Variants in GCNT2 observed in about 807,000 individuals in gnomAD.
GCNT2 encodes the protein N-acetyllactosaminide beta-1,6-N-acetylglucosaminyl-transferase.
A neutral mutation model predicts 34.2 loss-of-function variants in GCNT2; 34 were observed. The observed-to-expected ratio is 1.00, with a 90% CI of 0.76 to 1.32. The LOEUF (loss-of-function observed/expected upper bound fraction) is 1.32. GCNT2 is among the 40% of genes most tolerant of loss of function. The pLI is 0.00. For synonymous variants in GCNT2, 212 were observed against 188.0 expected (o/e 1.13, Z -1.04); for missense variants, 584 against 489.4 (o/e 1.19, Z -1.82).
At chr6:10,593,631 C>T (rs1041824613) in intron 3 of GCNT2, among the ~76,000 whole-genome samples, 12 of 152,148 alleles carry the variant, frequency 7.9e-5, no homozygotes, top group African/African-American at 2.9e-4. Flanking sequence ...GCCATTGCAC[C>T]TAGACAGTTG....
intron 3 of GCNT2, among the ~76,000 whole-genome samples, chr6:10,579,218 T>C (rs957842147): frequency 6.6e-6 from 1 of 152,252 alleles, no homozygotes; most frequent in Admixed American, 6.5e-5. Flanking sequence ...TATTAACCTC[T>C]AGTCTTACAA....
intron 3 of GCNT2, among the ~76,000 whole-genome samples, chr6:10,596,157 T>C (rs1764842976): frequency 6.6e-6 from 1 of 152,238 alleles, no homozygotes; most frequent in African/African-American, 2.4e-5. Flanking sequence ...TCTTTGTTTT[T>C]CAGCAACAAA....
intron 3 of GCNT2, among the ~76,000 whole-genome samples, chr6:10,597,236 A>G (rs950523928): frequency 1.3e-5 from 2 of 149,614 alleles, no homozygotes. Flanking sequence ...GCTCACTGCA[A>G]CCTCTGCCTC....
chr6:10,553,945 A>G (rs1336608263), intron 3 of GCNT2, among the ~76,000 whole-genome samples: 1 of 152,242 alleles, frequency 6.6e-6, no homozygotes, highest in East Asian at 1.9e-4. Flanking sequence ...ATAAAAGACT[A>G]TGAACGGAAT....
At position 10,529,754 on chromosome 6, in the gene GCNT2, G is replaced by A. The variant is rs9466560; in HGVS notation, c.843G>A (p.Gln281=). 6.2e-7 allele frequency: 1 copy of A among 1,614,184 alleles called. No homozygotes were observed. The change falls in exon 3 of 5, where the codon CAG becomes CAA. Residue 281 remains glutamine, a synonymous_variant. Coordinates refer to ENST00000495262, the MANE Select transcript of GCNT2 (RefSeq NM_145649.5). ...RDFANFVLQD[Q]LALDLLSWSK... Reference sequence around the variant, plus strand: ...TTGCTAACTTCGTCCTCCAAGACCAGCTCGCACTTGACTTACTCTCCTGGT... The same window carrying A: ...TTGCTAACTTCGTCCTCCAAGACCAACTCGCACTTGACTTACTCTCCTGGT...
At chr6:10,525,200 C>T (rs923960788) in intron 1 of GCNT2, among the ~76,000 whole-genome samples, 1 of 152,062 alleles carries the variant, frequency 6.6e-6, no homozygotes, top group Non-Finnish European at 1.5e-5. Flanking sequence ...TAGTTTACAT[C>T]CTGGAGAGTG....
intron 3 of GCNT2, chr6:10,573,204 CTT>C: frequency 1.0e-6 from 1 of 983,676 alleles, no homozygotes; most frequent in Non-Finnish European, 1.2e-6. Context: ...AATAGTGTCT[CTT>C]GGAACTTCTC....
intron 3 of GCNT2, among the ~76,000 whole-genome samples, chr6:10,572,638 T>G (rs925200466): frequency 2.2e-4 from 34 of 151,578 alleles, no homozygotes; most frequent in African/African-American, 8.0e-4. Context: ...GGAGGCTGAG[T>G]CAGGAGAATG....
chr6:10,574,159 CAG>C (rs1763683574), intron 3 of GCNT2, among the ~76,000 whole-genome samples: 1 of 152,198 alleles, frequency 6.6e-6, no homozygotes, highest in Non-Finnish European at 1.5e-5. Context: ...CGGGGGCACG[CAG>C]AGGGGCTCTG....
At chr6:10,551,617 G>C (rs953247364) in intron 3 of GCNT2, among the ~76,000 whole-genome samples, 1 of 151,740 alleles carries the variant, frequency 6.6e-6, no homozygotes, top group Non-Finnish European at 1.5e-5. Context: ...ACTAACTTTT[G>C]TATTTTTAGT....
At chr6:10,557,193 C>G in intron 3 of GCNT2, 2 of 1,559,474 alleles carry the variant, frequency 1.3e-6, no homozygotes, top group Non-Finnish European at 1.7e-6. Context: ...CATAATCTCA[C>G]AATTTACTTT....
At chr6:10,608,474 T>C (rs1765419449) in intron 3 of GCNT2, among the ~76,000 whole-genome samples, 1 of 152,216 alleles carries the variant, frequency 6.6e-6, no homozygotes, top group African/African-American at 2.4e-5. Context: ...GAGGGCTCCA[T>C]TTCACTCTAC....
intron 1 of GCNT2, among the ~76,000 whole-genome samples, chr6:10,523,992 A>AC (rs1761063062): frequency 2.0e-5 from 3 of 150,262 alleles, no homozygotes; most frequent in East Asian, 2.0e-4. Flanking sequence ...AAAAAAAAAA[A>AC]ACCAAGACTA....
intron 3 of GCNT2, among the ~76,000 whole-genome samples, chr6:10,550,490 A>G (rs1490257253): frequency 1.3e-5 from 2 of 151,654 alleles, no homozygotes; most frequent in African/African-American, 4.8e-5. Context: ...CCAAAATGCA[A>G]ATTATTATTA....
In GCNT2 at chr6:10,556,061, TGAAA is replaced by T. The variant is rs1465530782; in HGVS notation, c.925+26232_925+26235del. ...CAGGGGGCGGGGGTGGCATGGGAAA[TGAAA>T]GAAAGAGATATGGGAAACTAAATCT... On this transcript the variant is annotated intron_variant, in intron 3 of 4. Transcript: ENST00000495262. 5.2e-6 allele frequency: 6 copies of T among 1,149,556 alleles called. No homozygotes were observed. The South Asian group carries it at 6.1e-5, about 12-fold the overall frequency. The allele number at this position is 1,149,556 out of a possible 1,614,324, so 71.2% of individuals were successfully genotyped here.
chr6:10,559,579 CTGCT>C (rs1762879434), intron 3 of GCNT2, among the ~76,000 whole-genome samples: 2 of 152,224 alleles, frequency 1.3e-5, no homozygotes, highest in Admixed American at 1.3e-4. Flanking sequence ...ACCTCCCACG[CTGCT>C]AGTGGGAATC....
At chr6:10,618,248 G>A (rs905025677) in intron 3 of GCNT2, among the ~76,000 whole-genome samples, 2 of 152,174 alleles carry the variant, frequency 1.3e-5, no homozygotes, top group Non-Finnish European at 2.9e-5. Flanking sequence ...ATGTTTTAAT[G>A]CACAAACATG....
chr6:10,605,868 C>G (rs958474954), intron 3 of GCNT2, among the ~76,000 whole-genome samples: 2 of 152,112 alleles, frequency 1.3e-5, no homozygotes, highest in African/African-American at 4.8e-5. Context: ...TTCTTCTGAT[C>G]AAGGCCAGCT....
intron 3 of GCNT2, among the ~76,000 whole-genome samples, chr6:10,565,626 C>T (rs552023758): frequency 6.6e-6 from 1 of 152,182 alleles, no homozygotes; most frequent in South Asian, 2.1e-4. Context: ...CTGGCCTGCC[C>T]GTTGCCTTTT....
Sources: gnomAD v4.1 joint callset for allele counts (sites outside exome capture counted in the v4.1 genomes callset) on GRCh38, gnomAD v4.1.1 for gene constraint, MANE v1.5 for transcripts, NCBI Gene and HGNC (gene_info 2026-07-23, HGNC 2026-07-21) for gene names.